The following ZNF366 variants were observed in gnomAD, a reference collection of about 807,000 sequenced individuals.
The protein encoded by ZNF366 is zinc finger protein 366, also known as dendritic cell-specific transcript protein.
In ZNF366, 20 loss-of-function variants were observed where a neutral mutation model predicts 47.2. That is an observed-to-expected ratio of 0.42 (90% CI 0.30 to 0.62). The LOEUF (loss-of-function observed/expected upper bound fraction) is 0.62. ZNF366 is among the 20% of genes least tolerant of loss of function. The probability of loss-of-function intolerance (pLI) is 0.16; values close to 1 mark genes in which losing one functional copy is unlikely to be tolerated. For synonymous variants in ZNF366, 421 were observed against 395.1 expected (o/e 1.07, Z -0.78); for missense variants, 987 against 976.3 (o/e 1.01, Z -0.15).
At chr5:72,472,617 G>T (rs1480265825) in intron 1 of ZNF366, 72 of 944,708 alleles carry the variant, frequency 7.6e-5, no homozygotes, top group Non-Finnish European at 8.7e-5. Context: ...AAATAAAGAA[G>T]AATCGGTTAG....
intron 1 of ZNF366, among the ~76,000 whole-genome samples, chr5:72,479,491 C>T (rs1743743446): frequency 6.6e-6 from 1 of 151,692 alleles, no homozygotes; most frequent in South Asian, 2.1e-4. Context: ...AAGGAAATGA[C>T]AAACCAAAAA....
At position 72,447,381 on chromosome 5, in the gene ZNF366, T is replaced by C. The variant is rs555104690; in HGVS notation, c.1561A>G (p.Met521Val). ...TCTGAGTGCAGGTGCATGTGGCCCA[T>C]CAGGTTGTGCATCCGGTTGAATTCC... ...GKEFNRMHNLMGHMHLHSDSK... is the reference protein window; with the variant it reads ...GKEFNRMHNLVGHMHLHSDSK... Residue 521 changes from methionine (M) to valine (V), a missense_variant, in exon 4 of 5, where the codon ATG becomes GTG. This residue lies in a region of ZNF366 where 111 missense variants were observed against 180.5 expected (regional missense o/e 0.61). Coordinates refer to ENST00000318442, the MANE Select transcript of ZNF366 (RefSeq NM_152625.3). 1.2e-6 allele frequency: 2 copies of C among 1,614,176 alleles called. No individual in the cohort carries two copies. The highest frequency in any genetic ancestry group is 4.5e-5 in the East Asian group (2 of 44,874).
chr5:72,474,756 C>T (rs542520605), intron 1 of ZNF366, among the ~76,000 whole-genome samples: 1 of 152,032 alleles, frequency 6.6e-6, no homozygotes, highest in African/African-American at 2.4e-5. Flanking sequence ...TAGGGGGTTC[C>T]CTTCAAAGAT....
intron 1 of ZNF366, among the ~76,000 whole-genome samples, chr5:72,481,856 C>G (rs773605227): frequency 3.9e-5 from 6 of 152,176 alleles, no homozygotes; most frequent in Non-Finnish European, 8.8e-5. Context: ...TTAGTTCCCC[C>G]CAAACCCCTG....
At chr5:72,480,693 G>A (rs185014104) in intron 1 of ZNF366, among the ~76,000 whole-genome samples, 165 of 152,286 alleles carry the variant, frequency 1.1e-3, no homozygotes, top group Non-Finnish European at 2.0e-3. Flanking sequence ...ATAATGGAGT[G>A]AATAAATAAA....
intron 1 of ZNF366, among the ~76,000 whole-genome samples, chr5:72,472,368 T>C (rs924174471): frequency 5.9e-5 from 9 of 152,246 alleles, no homozygotes; most frequent in African/African-American, 2.2e-4. Flanking sequence ...TTGTGTGTTT[T>C]TATTTAATCA....
intron 1 of ZNF366, among the ~76,000 whole-genome samples, chr5:72,502,810 T>C (rs1216621747): frequency 6.6e-6 from 1 of 152,162 alleles, no homozygotes; most frequent in Non-Finnish European, 1.5e-5. Flanking sequence ...ATGCAAATAA[T>C]ATAGAAATGG....
intron 1 of ZNF366, among the ~76,000 whole-genome samples, chr5:72,503,598 C>T (rs1744259398): frequency 6.6e-6 from 1 of 151,974 alleles, no homozygotes; most frequent in Non-Finnish European, 1.5e-5. Context: ...TTTGTCATTT[C>T]ACAGATGAGA....
intron 1 of ZNF366, among the ~76,000 whole-genome samples, chr5:72,495,430 A>T (rs1200905200): frequency 6.6e-6 from 1 of 152,148 alleles, no homozygotes; most frequent in Non-Finnish European, 1.5e-5. Context: ...CTGGGGTTTC[A>T]TCTCAAGCAG....
Position 72,451,054 on chromosome 5 carries a change from G to T in ZNF366, c.1525-3637C>A, listed in dbSNP as rs144678760. On this transcript the variant is annotated intron_variant, in intron 3 of 4. Coordinates refer to ENST00000318442, the MANE Select transcript of ZNF366 (RefSeq NM_152625.3). ...GAGAAAAGCAGCCATTGAAGTCAAG[G>T]TCTCCTTAAATCATGTGATGTGAAG... Among the ~76,000 whole-genome samples the T allele has an allele frequency of 2.6e-3, 393 of 152,350 alleles. 2 individuals carry two copies. The highest frequency in any genetic ancestry group is 9.1e-3 in the African/African-American group (379 of 41,578).
At position 72,461,377 on chromosome 5, in the gene ZNF366, T is replaced by C; in HGVS notation, c.120A>G (p.Gln40=). ...GGAGAGCTTCCGGGAAGGGGTGTCT[T>C]TGGGGAGCCTTTCCCCGAGAAGCCA... ...QPVASRGKAP[Q]RHPFPEALRG... The change falls in exon 2 of 5, where the codon CAA becomes CAG. Residue 40 remains glutamine, a synonymous_variant. Coordinates refer to ENST00000318442, the MANE Select transcript of ZNF366 (RefSeq NM_152625.3). 3 of 1,613,780 alleles carry C rather than the reference T, an allele frequency of 1.9e-6. No individual in the cohort carries two copies. Among genetic ancestry groups the C allele is most frequent in the South Asian group, 2.2e-5 (2 of 91,060 alleles).
intron 1 of ZNF366, among the ~76,000 whole-genome samples, chr5:72,476,422 T>C (rs575696158): frequency 3.9e-5 from 6 of 152,234 alleles, no homozygotes; most frequent in South Asian, 4.1e-4. Flanking sequence ...CTCTGTTCGA[T>C]GTAAATGGAA....
chr5:72,482,130 T>C (rs1333566330), intron 1 of ZNF366, among the ~76,000 whole-genome samples: 1 of 152,192 alleles, frequency 6.6e-6, no homozygotes, highest in African/African-American at 2.4e-5. Context: ...AAGTACACCA[T>C]TAGGTTTCTT....
chr5:72,466,947 G>T (rs1743441369), intron 1 of ZNF366, among the ~76,000 whole-genome samples: 1 of 152,184 alleles, frequency 6.6e-6, no homozygotes, highest in Non-Finnish European at 1.5e-5. Context: ...ACCAAGTTCT[G>T]CAACCCAGCC....
At chr5:72,481,863 C>T (rs906462594) in intron 1 of ZNF366, among the ~76,000 whole-genome samples, 5 of 152,152 alleles carry the variant, frequency 3.3e-5, no homozygotes, top group East Asian at 1.9e-4. Flanking sequence ...CCCCCAAACC[C>T]CTGAGGTGAA....
Position 72,456,413 on chromosome 5 carries a change from G to T in ZNF366, c.1515C>A (p.Phe505Leu). 6.2e-7 allele frequency: 1 copy of T among 1,600,306 alleles called. No individual in the cohort carries two copies. Among genetic ancestry groups the T allele is most frequent in the Non-Finnish European group, 8.6e-7 (1 of 1,169,034 alleles). The change falls in exon 3 of 5, where the codon TTC becomes TTA. Residue 505 changes from phenylalanine to leucine, a missense_variant. By Grantham distance (22) the Phe-to-Leu change is conservative (BLOSUM62 0). This residue lies in a region of ZNF366 where 111 missense variants were observed against 180.5 expected (regional missense o/e 0.61). Coordinates refer to ENST00000318442, the MANE Select transcript of ZNF366 (RefSeq NM_152625.3). ...HMIVHSDVKP[F>L]KCKLCGKEFN... ...TAGTCCCACTGCCCACCTTGCATTT[G>T]AAAGGCTTCACGTCAGAGTGGACGA...
Position 72,443,574 on chromosome 5 carries a change from A to C in ZNF366, c.*182T>G. The C allele has an allele frequency of 1.6e-6, 1 of 643,390 alleles. No homozygotes were observed. The allele number at this position is 643,390 out of a possible 1,614,324, so 39.9% of individuals were successfully genotyped here. ...AAGACCCTGCACATGTGTGAAGGGT[A>C]TCAAGGGCCCCGTGAATGACCTGAG... On this transcript the variant is annotated 3_prime_UTR_variant, in exon 5 of 5. Coordinates refer to ENST00000318442, the MANE Select transcript of ZNF366 (RefSeq NM_152625.3).
At chr5:72,503,190 T>C (rs2112359790) in intron 1 of ZNF366, among the ~76,000 whole-genome samples, 1 of 152,310 alleles carries the variant, frequency 6.6e-6, no homozygotes, top group Middle Eastern at 3.4e-3. Context: ...TCTTGTGATT[T>C]ACATATGGTT....
chr5:72,449,800 T>A (rs746968593), intron 3 of ZNF366, among the ~76,000 whole-genome samples: 1 of 152,208 alleles, frequency 6.6e-6, no homozygotes, highest in African/African-American at 2.4e-5. Flanking sequence ...TCAGTAAGCA[T>A]CTGCTGAGTG....
Sources: allele counts gnomAD v4.1 joint callset (sites outside exome capture counted in the v4.1 genomes callset), GRCh38; gene constraint gnomAD v4.1.1; regional missense constraint gnomAD v4.1.1; transcripts MANE v1.5; gene names NCBI Gene and HGNC (gene_info 2026-07-23, HGNC 2026-07-21).